Variants in KNTC1 observed in about 807,000 individuals in gnomAD.
The protein encoded by KNTC1 is kinetochore associated 1, also known as kinetochore-associated protein 1.
Under a neutral mutation model 314.4 loss-of-function variants are expected in KNTC1, and 253 were observed. The observed-to-expected ratio is 0.80, with a 90% CI of 0.73 to 0.89. The LOEUF is 0.89. Among genes scored for constraint, KNTC1 ranks in the 40% least tolerant of loss-of-function variants. The pLI, the probability that KNTC1 is intolerant of heterozygous loss-of-function variation, is 0.00. For missense variants in KNTC1, 2,475 were observed against 2,572.9 expected (o/e 0.96, Z 0.82); for synonymous variants, 901 against 901.4 (o/e 1.00, Z 0.01).
At chr12:122,582,674 T>G in intron 33 of KNTC1, 31 bp from the exon 34 acceptor site, 1 of 1,542,614 alleles carries the variant, frequency 6.5e-7, no homozygotes, top group Non-Finnish European at 8.7e-7. Flanking sequence ...TAAACAGACT[T>G]GGGACTTTGT....
intron 53 of KNTC1, 182 bp from the exon 54 acceptor site, chr12:122,612,930 C>T: frequency 1.8e-6 from 1 of 558,556 alleles, no homozygotes. Flanking sequence ...TCAGGAATGC[C>T]CCTTCAGGGG....
intron 20 of KNTC1, among the ~76,000 whole-genome samples, chr12:122,564,819 C>A (rs1964199397): frequency 2.0e-5 from 3 of 152,174 alleles, no homozygotes; most frequent in Non-Finnish European, 4.4e-5. Context: ...TAGTCAGATT[C>A]TTACCATATC....
chr12:122,560,955 G>A (rs977897936), intron 18 of KNTC1, among the ~76,000 whole-genome samples: 1 of 152,156 alleles, frequency 6.6e-6, no homozygotes, highest in Non-Finnish European at 1.5e-5. Context: ...ATGTAAGGTG[G>A]GAAGGTATGT....
intron 13 of KNTC1, among the ~76,000 whole-genome samples, chr12:122,550,368 A>T: frequency 6.6e-6 from 1 of 152,150 alleles, no homozygotes; most frequent in South Asian, 2.1e-4. Flanking sequence ...AGAAAATGTA[A>T]CTCAAATACA....
At chr12:122,622,669 C>A in intron 62 of KNTC1, 62 bp downstream of exon 62, 1 of 1,362,772 alleles carries the variant, frequency 7.3e-7, no homozygotes, top group Non-Finnish European at 9.9e-7. Context: ...TCTTTATAAG[C>A]TGGGCACGAT....
chr12:122,547,933 CAAATT>C lies in KNTC1; in HGVS notation c.954_958del (p.Lys318AsnfsTer8), dbSNP rs1962912170. 1 of 1,548,796 alleles carries C rather than the reference CAAATT, an allele frequency of 6.5e-7. No individual in the cohort carries two copies. On this transcript the variant is annotated frameshift_variant, in exon 12 of 64. Coordinates refer to ENST00000333479, the MANE Select transcript of KNTC1 (RefSeq NM_014708.6). LOFTEE classifies it high-confidence loss of function. ...CTTTTAGGCAAGGAATTACAAATCTCAAATTAATAGCTCTGACAGCTTCAGCTAAT... is the reference window on the plus strand; with the variant it reads ...CTTTTAGGCAAGGAATTACAAATCTCAATAGCTCTGACAGCTTCAGCTAAT...
At position 122,612,222 on chromosome 12, in the gene KNTC1, C is replaced by G. The variant is rs577320619; in HGVS notation, c.5623-890C>G. 9.3e-5 allele frequency among the ~76,000 whole-genome samples: 14 copies of G among 151,238 alleles called. No individual in the cohort carries two copies. The South Asian group carries it at 2.7e-3, about 29-fold the overall frequency. ...CTGGGATTACAGGCGCACGCCACCA[C>G]GCCTGGCTAATTTTTGTATTTTTAG... is the stretch of plus-strand genomic sequence containing the variant. On this transcript the variant is annotated intron_variant, in intron 53 of 63. Transcript: ENST00000333479.
At chr12:122,533,270 G>T (rs1157651600) in intron 2 of KNTC1, among the ~76,000 whole-genome samples, 2 of 151,826 alleles carry the variant, frequency 1.3e-5, no homozygotes, top group Non-Finnish European at 2.9e-5. Flanking sequence ...GGGTTCAAGT[G>T]ATTCTCGTGC....
At chr12:122,594,014 A>G in intron 42 of KNTC1, 1 of 422,902 alleles carries the variant, frequency 2.4e-6, no homozygotes, top group Non-Finnish European at 4.2e-6. Context: ...GCAGTAATGG[A>G]ACTGGTGTTC....
intron 20 of KNTC1, among the ~76,000 whole-genome samples, chr12:122,564,070 C>T (rs574398747): frequency 7.2e-5 from 11 of 152,290 alleles, no homozygotes; most frequent in African/African-American, 2.2e-4. Context: ...CTTTGCCTCT[C>T]AGTTTCAAGC....
At position 122,551,506 on chromosome 12, in the gene KNTC1, A is replaced by G. The variant is rs771496522; in HGVS notation, c.1179A>G (p.Glu393=). The G allele has an allele frequency of 6.2e-7, 1 of 1,602,254 alleles. No homozygotes were observed. Among genetic ancestry groups the G allele is most frequent in the East Asian group, 2.2e-5 (1 of 44,638 alleles). Residue 393 remains glutamate (E), a synonymous_variant, in exon 15 of 64, where the codon GAA becomes GAG. Transcript: ENST00000333479. ...VSVLVLRCLT[E]ALPENRLSRL... Reference sequence around the variant, plus strand: ...TGTTAGTACTCAGATGTCTTACGGAAGCTTTACCAGAAAACAGGTAACTTC... The same window carrying G: ...TGTTAGTACTCAGATGTCTTACGGAGGCTTTACCAGAAAACAGGTAACTTC...
intron 6 of KNTC1, 45 bp from the exon 7 acceptor site, chr12:122,543,555 G>A (rs750113352): frequency 1.5e-6 from 2 of 1,312,264 alleles, no homozygotes; most frequent in Admixed American, 4.9e-5. Flanking sequence ...GTATTATTTT[G>A]TAGATTAATA....
At position 122,580,633 on chromosome 12, in the gene KNTC1, A is replaced by T; in HGVS notation, c.2945A>T (p.Glu982Val). Residue 982 changes from glutamate to valine, a missense_variant, in exon 33 of 64, where the codon GAA (glutamate) becomes GTA (valine). Glu to Val is a moderately radical substitution (Grantham distance 121). Coordinates refer to ENST00000333479, the MANE Select transcript of KNTC1 (RefSeq NM_014708.6). ...DNLQKKDECE[E>V]MLKLFKEVAS... is the part of the protein sequence containing the mutation. ...CTGCAGAAGAAGGACGAATGTGAAG[A>T]AATGTTGAAACTATTTAAAGAGGTT... The T allele has an allele frequency of 6.4e-7, 1 of 1,574,686 alleles. No individual in the cohort carries two copies. The highest frequency in any genetic ancestry group is 8.6e-7 in the Non-Finnish European group (1 of 1,158,520).
Position 122,603,173 on chromosome 12 carries a change from C to CTTA in KNTC1, c.5032_5034dup (p.Leu1679dup), listed in dbSNP as rs1872168379. The CTTA allele has an allele frequency of 4.3e-6, 7 of 1,613,330 alleles. No homozygotes were observed. The East Asian group carries it at 1.6e-4, about 36-fold the overall frequency. ...AGATCACGCAGACCATCGAATCCTG[C>CTTA]TTACTCTCTATAGTCAACCCAGAGT... On this transcript the variant is annotated inframe_insertion, in exon 48 of 64. Transcript: ENST00000333479.
At chr12:122,601,249 AT>A (rs149061938) in intron 44 of KNTC1, among the ~76,000 whole-genome samples, 1 of 149,648 alleles carries the variant, frequency 6.7e-6, no homozygotes, top group Admixed American at 6.7e-5. Context: ...CGCCCAGCTA[AT>A]TTTTTTTTGT....
chr12:122,532,408 C>T (rs1961429540), intron 2 of KNTC1, among the ~76,000 whole-genome samples: 1 of 151,716 alleles, frequency 6.6e-6, no homozygotes, highest in Admixed American at 6.6e-5. Flanking sequence ...GAGGCTTCAC[C>T]ATGTTGAGCA....
chr12:122,543,020 C>G (rs1962467959), intron 6 of KNTC1, among the ~76,000 whole-genome samples: 1 of 152,042 alleles, frequency 6.6e-6, no homozygotes, highest in East Asian at 1.9e-4. Context: ...TCAAGTGATT[C>G]TTGTGCCTCA....
chr12:122,562,439 T>TTGTGTGTGTGTG lies in KNTC1; in HGVS notation c.1543-169_1543-158dup, dbSNP rs4039211. Among the ~76,000 whole-genome samples the TTGTGTGTGTGTG allele has an allele frequency of 1.1e-4, 16 of 145,084 alleles. 1 individual carries two copies. The highest frequency in any genetic ancestry group is 2.2e-4 in the South Asian group (1 of 4,568). On this transcript the variant is annotated intron_variant, in intron 19 of 63. Coordinates refer to ENST00000333479, the MANE Select transcript of KNTC1 (RefSeq NM_014708.6). Reference sequence around the variant, plus strand: ...GGAAATGTTTTTCTTATCCCATGTTTTGTGTGTGTGTGTGTGTGTGTGTGT... The same window carrying TTGTGTGTGTGTG: ...GGAAATGTTTTTCTTATCCCATGTTTTGTGTGTGTGTGTGTGTGTGTGTGTGTGTGTGTGTGT...
chr12:122,602,466 G>A (rs1344434854), intron 45 of KNTC1, 103 bp from the exon 46 acceptor site: 3 of 662,492 alleles, frequency 4.5e-6, no homozygotes, highest in Non-Finnish European at 7.7e-6. Context: ...AAAACAAGAT[G>A]GTCTCAGGAA....
Sources: allele counts gnomAD v4.1 joint callset (sites outside exome capture counted in the v4.1 genomes callset), GRCh38; gene constraint gnomAD v4.1.1; transcripts MANE v1.5; gene names NCBI Gene and HGNC (gene_info 2026-07-23, HGNC 2026-07-21).